Variants in SCN1A observed in about 807,000 individuals in gnomAD.
SCN1A encodes the protein sodium voltage-gated channel alpha subunit 1.
Under a neutral mutation model 193.7 loss-of-function variants are expected in SCN1A, and 13 were observed. That is an observed-to-expected ratio of 0.07 (90% CI 0.04 to 0.11). The LOEUF is 0.11. Among genes scored for constraint, SCN1A ranks in the 10% least tolerant of loss-of-function variants. SCN1A has a pLI of 1.00. For synonymous variants in SCN1A, 781 were observed against 843.6 expected (o/e 0.93, Z 1.29); for missense variants, 1,432 against 2,451.1 (o/e 0.58, Z 8.78).
intron 23 of SCN1A, among the ~76,000 whole-genome samples, chr2:166,005,297 T>C (rs1454507379): frequency 6.6e-6 from 1 of 151,452 alleles, no homozygotes; most frequent in African/African-American, 2.4e-5. Context: ...TTAGTATTTA[T>C]TGATCAAAGC....
At chr2:166,098,541 A>G (rs764095950) in intron 2 of SCN1A, among the ~76,000 whole-genome samples, 14 of 152,192 alleles carry the variant, frequency 9.2e-5, no homozygotes, top group Non-Finnish European at 1.8e-4. Flanking sequence ...AAGGCATCCA[A>G]ATACGAAGAG....
chr2:166,125,815 C>T (rs184017667), intron 2 of SCN1A, among the ~76,000 whole-genome samples: 1 of 152,190 alleles, frequency 6.6e-6, no homozygotes, highest in East Asian at 1.9e-4. Context: ...GACAATCCCT[C>T]CTGCCATGTC....
chr2:166,072,068 C>T (rs998551390), intron 4 of SCN1A, among the ~76,000 whole-genome samples: 1 of 152,068 alleles, frequency 6.6e-6, no homozygotes, highest in Non-Finnish European at 1.5e-5. Flanking sequence ...TTACAAATGC[C>T]AAACTTTTGC....
At chr2:166,068,990 A>T (rs1004361576) in intron 4 of SCN1A, among the ~76,000 whole-genome samples, 1 of 152,308 alleles carries the variant, frequency 6.6e-6, no homozygotes. Context: ...TTCTGTAATA[A>T]AGAGTGGGTA....
In SCN1A at chr2:165,998,046, T is replaced by C. The variant is rs1553522306; in HGVS notation, c.4468A>G (p.Lys1490Glu). 1.2e-6 allele frequency: 2 copies of C among 1,603,450 alleles called. No homozygotes were observed. Among genetic ancestry groups the C allele is most frequent in the Non-Finnish European group, 1.7e-6 (2 of 1,172,138 alleles). ...ATATTAGAAATACTTATCTTCTTTT[T>C]CTGCTGGTTGAAATTATCTATGATG... ...GVIIDNFNQQ[K>E]KKFGGQDIFM... Residue 1490 changes from lysine to glutamate, a missense_variant, in exon 26 of 29, where the codon AAA becomes GAA. Coordinates refer to ENST00000674923, the MANE Select transcript of SCN1A (RefSeq NM_001165963.4).
In SCN1A at chr2:166,102,762, A is replaced by G. The variant is rs1015384028; in HGVS notation, c.-142+24162T>C. Among the ~76,000 whole-genome samples the G allele has an allele frequency of 7.9e-5, 12 of 152,186 alleles. No homozygotes were observed. In the East Asian group the frequency reaches 2.3e-3, roughly 29 times the overall value. ...ACACATGCACGCATATGTTCATTGC[A>G]GCACTATTCACAATAGCAATGGCAT... On this transcript the variant is annotated intron_variant, in intron 2 of 28. Transcript: ENST00000674923.
chr2:166,111,076 C>T (rs1689244244), intron 2 of SCN1A, among the ~76,000 whole-genome samples: 1 of 151,980 alleles, frequency 6.6e-6, no homozygotes, highest in African/African-American at 2.4e-5. Context: ...TGAGAACAGA[C>T]TAATACAATC....
intron 1 of SCN1A, among the ~76,000 whole-genome samples, chr2:166,147,561 G>C (rs944655961): frequency 1.3e-5 from 2 of 152,094 alleles, no homozygotes; most frequent in African/African-American, 4.8e-5. Flanking sequence ...GTACAATTAA[G>C]TATGTATCCA....
chr2:166,006,955 A>G (rs149432522), intron 23 of SCN1A, among the ~76,000 whole-genome samples: 83 of 151,390 alleles, frequency 5.5e-4, no homozygotes, highest in African/African-American at 2.0e-3. Flanking sequence ...CTCCCCAAAG[A>G]TGGATAACTC....
At chr2:166,107,791 A>G (rs1429249832) in intron 2 of SCN1A, among the ~76,000 whole-genome samples, 2 of 152,176 alleles carry the variant, frequency 1.3e-5, no homozygotes, top group African/African-American at 4.8e-5. Flanking sequence ...GTGGATAACA[A>G]TGTACAAAGA....
Position 166,043,781 on chromosome 2 carries a change from G to A in SCN1A, c.1931C>T (p.Thr644Ile). The A allele has an allele frequency of 6.2e-7, 1 of 1,614,170 alleles. No individual in the cohort carries two copies. The highest frequency in any genetic ancestry group is 1.1e-5 in the South Asian group (1 of 91,080). Reference protein sequence around the residue: ...VFPANGKMHSTVDCNGVVSLV... With the variant: ...VFPANGKMHSIVDCNGVVSLV... ...GGAAACCACACCATTGCAATCCACA[G>A]TGCTGTGCATCTTCCCATTCGCTGG... The change falls in exon 14 of 29, where the codon ACT (threonine) becomes ATT (isoleucine). Residue 644 changes from threonine (T) to isoleucine (I), a missense_variant. Around this residue, in one of 18 missense-constraint regions of SCN1A, gnomAD observed 316 missense variants for 362.1 expected, o/e 0.87. Transcript: ENST00000674923.
chr2:166,094,366 T>A (rs927497260), intron 2 of SCN1A, among the ~76,000 whole-genome samples: 1 of 152,134 alleles, frequency 6.6e-6, no homozygotes, highest in African/African-American at 2.4e-5. Context: ...AGAGAATATC[T>A]GCCAGACAGA....
At chr2:166,081,745 G>T (rs980788381) in intron 2 of SCN1A, 1 of 151,846 alleles carries the variant, frequency 6.6e-6, no homozygotes, top group African/African-American at 2.4e-5. Flanking sequence ...AAGCCTAAAA[G>T]AAATTCCCCC....
chr2:166,016,720 A>G (rs2105640738), intron 19 of SCN1A: 1 of 152,104 alleles, frequency 6.6e-6, no homozygotes, highest in East Asian at 1.9e-4. Flanking sequence ...CTACCAGCTG[A>G]GTATTCACTG....
intron 2 of SCN1A, among the ~76,000 whole-genome samples, chr2:166,116,246 G>A (rs1161694205): frequency 6.6e-6 from 1 of 152,192 alleles, no homozygotes; most frequent in Non-Finnish European, 1.5e-5. Flanking sequence ...AAGGGAGTGG[G>A]TGAACATTTA....
intron 24 of SCN1A, chr2:166,000,190 C>G (rs1159025979): frequency 5.0e-6 from 1 of 198,128 alleles, no homozygotes; most frequent in Non-Finnish European, 1.0e-5. Context: ...GCAGGGTGAT[C>G]AAAGTGATTG....
chr2:166,102,072 C>G (rs1231932849), intron 2 of SCN1A, among the ~76,000 whole-genome samples: 1 of 152,134 alleles, frequency 6.6e-6, no homozygotes, highest in Non-Finnish European at 1.5e-5. Context: ...ATTAAAAAGA[C>G]AGTTCTCAAA....
chr2:166,084,182 T>A (rs1315696674), intron 2 of SCN1A, among the ~76,000 whole-genome samples: 1 of 151,964 alleles, frequency 6.6e-6, no homozygotes, highest in East Asian at 1.9e-4. Flanking sequence ...TCGATGTTCA[T>A]CTTTTCTCTC....
At chr2:166,036,010 A>T (rs763172056) in intron 19 of SCN1A, 38 bp downstream of exon 19, 2 of 1,595,364 alleles carry the variant, frequency 1.3e-6, no homozygotes, top group Non-Finnish European at 1.7e-6. Flanking sequence ...GTATATATGT[A>T]TATGTATTCA....
Sources: gnomAD v4.1 joint callset for allele counts (sites outside exome capture counted in the v4.1 genomes callset) on GRCh38, gnomAD v4.1.1 for gene constraint, gnomAD v4.1.1 regional missense constraint, MANE v1.5 for transcripts, NCBI Gene and HGNC (gene_info 2026-07-23, HGNC 2026-07-21) for gene names.